Variants in NEK11 observed in about 807,000 individuals in gnomAD.
NEK11 encodes serine/threonine-protein kinase Nek11.
Under a neutral mutation model 80.7 loss-of-function variants are expected in NEK11, and 72 were observed. The ratio of observed to expected loss-of-function variants is 0.89; its 90% CI spans 0.74 to 1.08. The LOEUF is 1.08. NEK11 is among the 50% of genes least tolerant of loss of function. The pLI, the probability that NEK11 is intolerant of heterozygous loss-of-function variation, is 0.00. For missense variants in NEK11, 764 were observed against 763.6 expected, an observed-to-expected ratio of 1.00 and a Z score of -0.01; for synonymous variants, 251 against 260.7, an observed-to-expected ratio of 0.96 and a Z score of 0.36.
intron 5 of NEK11, among the ~76,000 whole-genome samples, chr3:131,111,323 A>T (rs764684759): frequency 6.6e-6 from 1 of 152,182 alleles, no homozygotes; most frequent in Non-Finnish European, 1.5e-5. Context: ...ATATTTGTGA[A>T]TCTGTGGATC....
chr3:131,326,741 G>GACTT lies in NEK11; in HGVS notation c.1719-22813_1719-22810dup, dbSNP rs1183281357. The stretch of plus-strand genomic sequence containing the variant: ...AGCACGAAGTCCATGGAGCAAAGGG[G>GACTT]ACTTACACACCCAGAGCTTGCGTCT... On this transcript the variant is annotated intron_variant, in intron 17 of 17. Coordinates refer to ENST00000383366, the MANE Select transcript of NEK11 (RefSeq NM_024800.5). Among the ~76,000 whole-genome samples the GACTT allele has an allele frequency of 1.2e-4, 18 of 152,284 alleles. No homozygotes were observed. The South Asian group carries it at 1.5e-3, about 12-fold the overall frequency.
rs752126687 is a variant in NEK11, at chr3:131,109,917, G to A, written c.451G>A (p.Glu151Lys). 6.3e-7 allele frequency: 1 copy of A among 1,596,712 alleles called. No individual in the cohort carries two copies. The highest frequency in any genetic ancestry group is 8.5e-7 in the Non-Finnish European group (1 of 1,173,704). Residue 151 changes from glutamate to lysine, a missense_variant, in exon 5 of 18, where the codon GAG (glutamate) becomes AAG (lysine). By Grantham distance (56) the Glu-to-Lys change is moderately conservative. Transcript: ENST00000383366. ...QLLLGVDYMH[E>K]RRILHRDLKS... ...GCTGCTGGGAGTTGACTACATGCAT[G>A]AGAGGTATGTTCATTTGCTACTGGG...
chr3:131,329,548 G>A (rs758044731), intron 17 of NEK11: 43 of 151,930 alleles, frequency 2.8e-4, no homozygotes, highest in Non-Finnish European at 4.9e-4. Context: ...TTAGGGAAAA[G>A]CAGATCATGC....
intron 4 of NEK11, among the ~76,000 whole-genome samples, chr3:131,102,656 A>G (rs1578286853): frequency 6.6e-6 from 1 of 152,004 alleles, no homozygotes; most frequent in African/African-American, 2.4e-5. Context: ...TGCCTTGGGG[A>G]TGGTTGACTT....
intron 5 of NEK11, among the ~76,000 whole-genome samples, chr3:131,130,961 C>G (rs1454186788): frequency 6.6e-6 from 1 of 152,120 alleles, no homozygotes; most frequent in African/African-American, 2.4e-5. Context: ...GCCACCATGC[C>G]CAGCTAACTT....
At chr3:131,211,439 A>T (rs1032089510) in intron 14 of NEK11, among the ~76,000 whole-genome samples, 7 of 151,924 alleles carry the variant, frequency 4.6e-5, no homozygotes, top group African/African-American at 1.5e-4. Flanking sequence ...TCTGACAATT[A>T]TGTGTCTTGG....
intron 3 of NEK11, among the ~76,000 whole-genome samples, chr3:131,064,865 T>G (rs1325830748): frequency 6.7e-6 from 1 of 149,060 alleles, no homozygotes; most frequent in Non-Finnish European, 1.5e-5. Flanking sequence ...TAGATGGAGA[T>G]GTGCTTATTC....
Position 131,169,848 on chromosome 3 carries a change from C to G in NEK11, c.1284+911C>G, listed in dbSNP as rs113478393. 2.6e-3 allele frequency among the ~76,000 whole-genome samples: 391 copies of G among 152,206 alleles called. 1 individual carries two copies. Among genetic ancestry groups the G allele is most frequent in the African/African-American group, 8.8e-3 (367 of 41,510 alleles). On this transcript the variant is annotated intron_variant, in intron 13 of 17. Transcript: ENST00000383366. ...ATTTTCAAATAATTTCTGAAGTGCA[C>G]GTAAAGACGTATTTCATGTACTCTC... is the stretch of plus-strand genomic sequence containing the variant.
At chr3:131,287,209 G>A (rs1581423126) in intron 17 of NEK11, among the ~76,000 whole-genome samples, 1 of 152,178 alleles carries the variant, frequency 6.6e-6, no homozygotes, top group Non-Finnish European at 1.5e-5. Context: ...AGGTAAGGGT[G>A]TATCATGGGA....
At chr3:131,226,320 A>G (rs2095194476) in intron 14 of NEK11, among the ~76,000 whole-genome samples, 1 of 152,166 alleles carries the variant, frequency 6.6e-6, no homozygotes, top group Non-Finnish European at 1.5e-5. Flanking sequence ...TGTAAGTAAA[A>G]TGAAGATCTT....
chr3:131,167,026 G>A (rs1322151644), intron 12 of NEK11, among the ~76,000 whole-genome samples: 2 of 152,200 alleles, frequency 1.3e-5, no homozygotes, highest in Non-Finnish European at 2.9e-5. Context: ...TTCCGAGTTT[G>A]TTAATGTGTA....
chr3:131,113,768 G>A (rs62284173), intron 5 of NEK11, among the ~76,000 whole-genome samples: 32,312 of 151,618 alleles, frequency 0.21, 3,797 homozygotes, highest in African/African-American at 0.32. Flanking sequence ...AAAAATTAGC[G>A]AGGCATGGCG....
intron 3 of NEK11, among the ~76,000 whole-genome samples, chr3:131,077,401 TAG>T (rs1468759268): frequency 6.6e-6 from 1 of 152,184 alleles, no homozygotes; most frequent in African/African-American, 2.4e-5. Context: ...CCGCATCAGC[TAG>T]AGAGATTATA....
At chr3:131,149,310 C>T (rs1232913538) in intron 7 of NEK11, among the ~76,000 whole-genome samples, 1 of 152,032 alleles carries the variant, frequency 6.6e-6, no homozygotes, top group Non-Finnish European at 1.5e-5. Flanking sequence ...AGGACATGAT[C>T]TCATTCTTTT....
chr3:131,040,623 C>G (rs1004231588), intron 3 of NEK11, among the ~76,000 whole-genome samples: 3 of 152,138 alleles, frequency 2.0e-5, no homozygotes, highest in Non-Finnish European at 2.9e-5. Context: ...CTGAGTGCTG[C>G]TTTTTAATCT....
At chr3:131,145,823 T>A (rs1320598518) in intron 7 of NEK11, among the ~76,000 whole-genome samples, 1 of 152,166 alleles carries the variant, frequency 6.6e-6, no homozygotes, top group African/African-American at 2.4e-5. Flanking sequence ...ATCTGAAAAA[T>A]GGGAATAATA....
At chr3:131,144,612 T>C (rs2674609) in intron 7 of NEK11, among the ~76,000 whole-genome samples, 124,143 of 152,144 alleles carry the variant, frequency 0.82, 50,752 homozygotes, top group East Asian at 0.86. Context: ...GATTTGCATG[T>C]ATGTTAAAGT....
At chr3:131,220,051 A>C (rs992037444) in intron 14 of NEK11, among the ~76,000 whole-genome samples, 1 of 152,324 alleles carries the variant, frequency 6.6e-6, no homozygotes, top group South Asian at 2.1e-4. Flanking sequence ...GTTGCAAGGC[A>C]GTTTTTCTCA....
At chr3:131,171,710 G>A (rs562084299) in intron 14 of NEK11, among the ~76,000 whole-genome samples, 1 of 152,312 alleles carries the variant, frequency 6.6e-6, no homozygotes, top group East Asian at 1.9e-4. Flanking sequence ...CACACAGTAA[G>A]TGCTAAAGAA....
Sources: gnomAD v4.1 joint callset for allele counts (sites outside exome capture counted in the v4.1 genomes callset) on GRCh38, gnomAD v4.1.1 for gene constraint, MANE v1.5 for transcripts, NCBI Gene and HGNC (gene_info 2026-07-23, HGNC 2026-07-21) for gene names.